Variants in PRTFDC1 observed in about 807,000 individuals in gnomAD.
PRTFDC1 encodes phosphoribosyl transferase domain containing 1, also known as phosphoribosyltransferase domain-containing protein 1.
A neutral mutation model predicts 34.6 loss-of-function variants in PRTFDC1; 38 were observed. The observed-to-expected ratio is 1.10, with a 90% confidence interval of 0.85 to 1.44. The LOEUF is 1.44. PRTFDC1 is among the 40% of genes most tolerant of loss of function. The probability of loss-of-function intolerance (pLI) is 0.00; values close to 1 mark genes in which losing one functional copy is unlikely to be tolerated. For synonymous variants in PRTFDC1, 93 were observed against 98.1 expected, an observed-to-expected ratio of 0.95 and a Z score of 0.31; for missense variants, 270 against 283.0, an observed-to-expected ratio of 0.95 and a Z score of 0.33.
chr10:24,877,751 G>A (rs1209330985), intron 3 of PRTFDC1, among the ~76,000 whole-genome samples: 1 of 152,064 alleles, frequency 6.6e-6, no homozygotes, highest in Non-Finnish European at 1.5e-5. Context: ...CTCCTGAGTA[G>A]CTGGGATTAC....
Position 24,917,682 on chromosome 10 carries a change from CA to C in PRTFDC1, c.339+19501del, listed in dbSNP as rs999008479. Among the ~76,000 whole-genome samples the C allele has an allele frequency of 2.6e-3, 392 of 152,236 alleles. 1 individual carries two copies. The highest frequency in any genetic ancestry group is 8.2e-3 in the African/African-American group (340 of 41,550). ...TGATGGGAAAGAGTTATGTGTCCAT[CA>C]GGGGGCAGAGATTGATGACAGATGG... On this transcript the variant is annotated intron_variant, in intron 3 of 8. Transcript: ENST00000320152.
intron 3 of PRTFDC1, among the ~76,000 whole-genome samples, chr10:24,882,898 A>G (rs1236525517): frequency 6.6e-6 from 1 of 151,538 alleles, no homozygotes; most frequent in African/African-American, 2.4e-5. Flanking sequence ...ATATAAAAAT[A>G]TGAATTCTTG....
At chr10:24,875,909 G>A (rs111665668) in intron 3 of PRTFDC1, among the ~76,000 whole-genome samples, 40 of 140,766 alleles carry the variant, frequency 2.8e-4, no homozygotes, top group Admixed American at 6.7e-4. Context: ...AGGCTGGAGC[G>A]CAGTGATGTA....
At chr10:24,929,956 G>A (rs1425223041) in intron 3 of PRTFDC1, among the ~76,000 whole-genome samples, 1 of 152,122 alleles carries the variant, frequency 6.6e-6, no homozygotes, top group East Asian at 1.9e-4. Flanking sequence ...GGGAAGTTGA[G>A]GCAGGAGGAT....
At chr10:24,899,312 CTCT>C (rs1848415770) in intron 3 of PRTFDC1, among the ~76,000 whole-genome samples, 1 of 152,088 alleles carries the variant, frequency 6.6e-6, no homozygotes, top group Non-Finnish European at 1.5e-5. Context: ...GTAGTTGGAC[CTCT>C]TCTTCTTGTG....
chr10:24,920,247 C>T (rs778863376), intron 3 of PRTFDC1, among the ~76,000 whole-genome samples: 22 of 151,520 alleles, frequency 1.5e-4, no homozygotes, highest in Non-Finnish European at 2.5e-4. Flanking sequence ...CAATGATAGA[C>T]TGGATAAATA....
At chr10:24,929,319 T>C (rs1848937338) in intron 3 of PRTFDC1, among the ~76,000 whole-genome samples, 1 of 152,188 alleles carries the variant, frequency 6.6e-6, no homozygotes, top group Non-Finnish European at 1.5e-5. Context: ...AGCAGGTTTG[T>C]GGCTAACCCT....
intron 4 of PRTFDC1, among the ~76,000 whole-genome samples, chr10:24,860,516 C>A (rs1291115691): frequency 6.6e-6 from 1 of 152,146 alleles, no homozygotes; most frequent in African/African-American, 2.4e-5. Context: ...TAACTTTGCA[C>A]CGTATATCAA....
chr10:24,849,876 T>C lies in PRTFDC1; in HGVS notation c.646A>G (p.Asn216Asp). The stretch of plus-strand genomic sequence containing the variant: ...CGATATTTTTCTTTACCGTGCTCAT[T>C]GATGACGCATATGTGCTGAAACAAT... ...FRDLNHICVI[N>D]EHGKEKYRV Residue 216 changes from asparagine to aspartate, a missense_variant, in exon 9 of 9, where the codon AAT becomes GAT. Transcript: ENST00000320152. 1 of 1,614,000 alleles carries C rather than the reference T, an allele frequency of 6.2e-7. No homozygotes were observed. The highest frequency in any genetic ancestry group is 8.5e-7 in the Non-Finnish European group (1 of 1,179,932).
chr10:24,918,474 A>C (rs10828724), intron 3 of PRTFDC1, among the ~76,000 whole-genome samples: 42,368 of 151,958 alleles, frequency 0.28, 6,397 homozygotes, highest in Non-Finnish European at 0.35. Context: ...GCTACAGTAC[A>C]GTAAGGATTA....
intron 1 of PRTFDC1, among the ~76,000 whole-genome samples, chr10:24,945,423 A>G (rs1434956735): frequency 1.3e-5 from 2 of 152,180 alleles, no homozygotes; most frequent in Non-Finnish European, 2.9e-5. Context: ...TGTCATATCC[A>G]TTGGCTGACT....
intron 7 of PRTFDC1, among the ~76,000 whole-genome samples, chr10:24,854,466 G>A (rs575584903): frequency 9.2e-5 from 14 of 152,170 alleles, no homozygotes; most frequent in African/African-American, 2.6e-4. Flanking sequence ...CTTCTCTTTC[G>A]CTAATGTTTG....
chr10:24,908,804 C>T, intron 3 of PRTFDC1: 1 of 1,391,944 alleles, frequency 7.2e-7, no homozygotes, highest in Non-Finnish European at 9.4e-7. Flanking sequence ...CCAGATAGCC[C>T]TCACATCCCC....
intron 3 of PRTFDC1, among the ~76,000 whole-genome samples, chr10:24,935,533 T>C (rs11014306): frequency 0.2 from 30,607 of 152,116 alleles, 4,654 homozygotes; most frequent in African/African-American, 0.43. Flanking sequence ...ATGAGGAATG[T>C]GGAAGACAGA....
rs1165979806 is a variant in PRTFDC1 at position 24,944,999 on chromosome 10, C to T, written c.49-2563G>A. On this transcript the variant is annotated intron_variant, in intron 1 of 8. Transcript: ENST00000320152. ...GTCCTCCGATCTGCCAATCACACCC[C>T]TGCCTCCTGAGCTTTGCACTGGCGC... Among the ~76,000 whole-genome samples the T allele has an allele frequency of 2.0e-5, 3 of 152,182 alleles. No individual in the cohort carries two copies. In the East Asian group the frequency reaches 5.8e-4, roughly 29 times the overall value.
intron 4 of PRTFDC1, among the ~76,000 whole-genome samples, chr10:24,866,163 C>T (rs1487413672): frequency 1.3e-5 from 2 of 151,868 alleles, no homozygotes; most frequent in Admixed American, 1.3e-4. Context: ...AAGTTTGAGA[C>T]CAGCTTGACC....
intron 3 of PRTFDC1, among the ~76,000 whole-genome samples, chr10:24,930,145 G>T (rs774001077): frequency 1.3e-5 from 2 of 151,980 alleles, no homozygotes; most frequent in Non-Finnish European, 2.9e-5. Context: ...TCTTTGATTC[G>T]AGTCTCTATA....
chr10:24,905,923 A>G (rs1481473431), intron 3 of PRTFDC1, among the ~76,000 whole-genome samples: 1 of 151,978 alleles, frequency 6.6e-6, no homozygotes, highest in African/African-American at 2.4e-5. Context: ...AGCCTCTGGT[A>G]ACCATCCTTC....
chr10:24,885,866 T>C (rs1848156346), intron 3 of PRTFDC1, among the ~76,000 whole-genome samples: 1 of 152,174 alleles, frequency 6.6e-6, no homozygotes, highest in African/African-American at 2.4e-5. Flanking sequence ...TAAATGCATA[T>C]TACTAAGTGA....
Sources: allele counts gnomAD v4.1 joint callset (sites outside exome capture counted in the v4.1 genomes callset), GRCh38; gene constraint gnomAD v4.1.1; transcripts MANE v1.5; gene names NCBI Gene and HGNC (gene_info 2026-07-23, HGNC 2026-07-21).